Variants in CNTN5 observed in about 807,000 individuals in gnomAD.
CNTN5 encodes contactin 5.
A neutral mutation model predicts 129.1 loss-of-function variants in CNTN5; 77 were observed. The ratio of observed to expected loss-of-function variants is 0.60; its 90% CI spans 0.50 to 0.72. CNTN5 has a LOEUF of 0.72. Ranked by LOEUF, CNTN5 falls within the 30% of genes least tolerant of loss-of-function variation. The pLI, the probability that CNTN5 is intolerant of heterozygous loss-of-function variation, is 0.00. For missense variants in CNTN5, 1,478 were observed against 1,328.8 expected (o/e 1.11, Z -1.75); for synonymous variants, 509 against 465.6 (o/e 1.09, Z -1.20).
intron 1 of CNTN5, among the ~76,000 whole-genome samples, chr11:99,177,013 T>G (rs1425636066): frequency 3.4e-4 from 51 of 152,210 alleles, no homozygotes; most frequent in Admixed American, 3.3e-3. Flanking sequence ...ACCTTCCCAC[T>G]GTAAATCAAT....
chr11:100,156,561 AGTTTC>A (rs1345241887), intron 13 of CNTN5, among the ~76,000 whole-genome samples: 1 of 152,114 alleles, frequency 6.6e-6, no homozygotes, highest in Non-Finnish European at 1.5e-5. Flanking sequence ...TGTTTGGAAT[AGTTTC>A]AGAAGGAATG....
At chr11:99,832,914 C>A (rs1443528576) in intron 4 of CNTN5, among the ~76,000 whole-genome samples, 1 of 152,074 alleles carries the variant, frequency 6.6e-6, no homozygotes, top group African/African-American at 2.4e-5. Flanking sequence ...TGCAGCCTGG[C>A]ATTAGATGTA....
intron 9 of CNTN5, among the ~76,000 whole-genome samples, chr11:100,051,249 G>A (rs1055241496): frequency 2.0e-5 from 3 of 151,924 alleles, no homozygotes; most frequent in Admixed American, 6.6e-5. Context: ...GTGTTGGGCC[G>A]TAAAACAAGT....
chr11:99,917,138 A>G (rs943658426), intron 7 of CNTN5, among the ~76,000 whole-genome samples: 1 of 152,098 alleles, frequency 6.6e-6, no homozygotes, highest in Non-Finnish European at 1.5e-5. Context: ...AGTATGCTGC[A>G]TATCAACAGG....
intron 8 of CNTN5, among the ~76,000 whole-genome samples, chr11:99,973,399 C>G (rs1937705682): frequency 6.6e-6 from 1 of 151,992 alleles, no homozygotes; most frequent in Admixed American, 6.6e-5. Context: ...CATAATTGAG[C>G]TGCCATAGGT....
At chr11:99,050,646 C>T (rs12224781) in intron 1 of CNTN5, among the ~76,000 whole-genome samples, 4,923 of 151,692 alleles carry the variant, frequency 0.032, 370 homozygotes, top group Admixed American at 0.17. Context: ...TTAATGGTAA[C>T]CGAATATATT....
intron 9 of CNTN5, among the ~76,000 whole-genome samples, chr11:100,017,452 AGTG>A (rs2137547703): frequency 6.6e-6 from 1 of 152,094 alleles, no homozygotes; most frequent in Non-Finnish European, 1.5e-5. Context: ...TCTTAGAGAT[AGTG>A]GTGTGTCTTA....
chr11:99,038,762 A>T (rs1863863305), intron 1 of CNTN5, among the ~76,000 whole-genome samples: 1 of 151,920 alleles, frequency 6.6e-6, no homozygotes, highest in African/African-American at 2.4e-5. Flanking sequence ...ATTATTTTAC[A>T]ATCTCTTATA....
intron 3 of CNTN5, among the ~76,000 whole-genome samples, chr11:99,754,321 C>T (rs899305813): frequency 6.6e-6 from 1 of 152,212 alleles, no homozygotes; most frequent in Non-Finnish European, 1.5e-5. Context: ...AGCTCCTTAG[C>T]TACTCCTCCA....
intron 15 of CNTN5, among the ~76,000 whole-genome samples, chr11:100,194,601 AG>A (rs1482357281): frequency 6.7e-6 from 1 of 150,170 alleles, no homozygotes; most frequent in Non-Finnish European, 1.5e-5. Context: ...ATGGGATACA[AG>A]GAAAAAAAAA....
intron 9 of CNTN5, among the ~76,000 whole-genome samples, chr11:100,044,622 CT>C (rs970974621): frequency 1.5e-4 from 23 of 148,768 alleles, no homozygotes; most frequent in East Asian, 9.9e-4. Context: ...ATTTTTGTGT[CT>C]TTTTTTTTGA....
chr11:99,431,926 A>AT (rs1943385618), intron 2 of CNTN5, among the ~76,000 whole-genome samples: 2 of 152,046 alleles, frequency 1.3e-5, no homozygotes, highest in South Asian at 4.1e-4. Flanking sequence ...CAGGGGCTGG[A>AT]GGGTCAAGAG....
chr11:100,312,380 G>A lies in CNTN5; in HGVS notation c.2730+3912G>A, dbSNP rs188900033. Among the ~76,000 whole-genome samples the A allele has an allele frequency of 4.0e-3, 603 of 151,858 alleles. 6 individuals carry two copies. Among genetic ancestry groups the A allele is most frequent in the African/African-American group, 0.014 (581 of 41,446 alleles). ...CTCTTTTCTGTATTCTTTTTCCCTC[G>A]AAAGAGAGTTCTGCCTCTGTCCTTC... On this transcript the variant is annotated intron_variant, in intron 21 of 24. Coordinates refer to ENST00000524871, the MANE Select transcript of CNTN5 (RefSeq NM_014361.4).
intron 2 of CNTN5, among the ~76,000 whole-genome samples, chr11:99,344,662 T>A (rs1937698855): frequency 6.6e-6 from 1 of 151,800 alleles, no homozygotes; most frequent in African/African-American, 2.4e-5. Flanking sequence ...AATAGAAAAA[T>A]TTAAATCAAA....
chr11:100,341,055 G>T, intron 22 of CNTN5, 38 bp from the exon 23 acceptor site: 1 of 1,350,552 alleles, frequency 7.4e-7, no homozygotes, highest in Non-Finnish European at 1.1e-6. Flanking sequence ...ATGTATTTAA[G>T]AATCCTTGTC....
chr11:100,070,421 C>T lies in CNTN5; in HGVS notation c.1163-3C>T, dbSNP rs146706911. The T allele has an allele frequency of 1.4e-5, 23 of 1,610,574 alleles. No homozygotes were observed. In the East Asian group the frequency reaches 5.1e-4, roughly 36 times the overall value. On this transcript the variant is annotated splice_region_variant and splice_polypyrimidine_tract_variant and intron_variant, in intron 10 of 24. Transcript: ENST00000524871. ...TCCTTGTTTACTGCTTACATACTTA[C>T]AGCCTACCCACACTGGGTAGAAAAA...
intron 13 of CNTN5, among the ~76,000 whole-genome samples, chr11:100,109,472 C>G (rs2138106798): frequency 6.6e-6 from 1 of 152,240 alleles, no homozygotes; most frequent in Non-Finnish European, 1.5e-5. Flanking sequence ...GAATCAATCA[C>G]TGGATGATAG....
rs547231500 is a variant in CNTN5, at chr11:100,219,533, C to T, written c.1885-5159C>T. Among the ~76,000 whole-genome samples the T allele has an allele frequency of 5.9e-5, 9 of 152,322 alleles. No homozygotes were observed. In the South Asian group the frequency reaches 1.9e-3, roughly 32 times the overall value. On this transcript the variant is annotated intron_variant, in intron 15 of 24. Transcript: ENST00000524871. ...ACTTGTGTTAATGTCAGATAAAGAA[C>T]TTCCCATTTACCTTGTGGCTAGGGA...
At chr11:100,275,439 T>C (rs1950489441) in intron 18 of CNTN5, among the ~76,000 whole-genome samples, 2 of 152,258 alleles carry the variant, frequency 1.3e-5, no homozygotes, top group South Asian at 2.1e-4. Flanking sequence ...ATATTGTTAA[T>C]TGTGTTTAAA....
Sources: allele counts gnomAD v4.1 joint callset (sites outside exome capture counted in the v4.1 genomes callset), GRCh38; gene constraint gnomAD v4.1.1; transcripts MANE v1.5; gene names NCBI Gene and HGNC (gene_info 2026-07-23, HGNC 2026-07-21).